Variants in SNAP91 observed in about 807,000 individuals in gnomAD.
SNAP91 encodes synaptosome associated protein 91.
SNAP91 carries 27 observed loss-of-function variants against 100.3 expected under a neutral mutation model. The observed-to-expected ratio is 0.27, with a 90% CI of 0.20 to 0.37. The LOEUF (loss-of-function observed/expected upper bound fraction) is 0.37. SNAP91 is among the 10% of genes least tolerant of loss of function. The pLI, the probability that SNAP91 is intolerant of heterozygous loss-of-function variation, is 1.00. For missense variants in SNAP91, 986 were observed against 1,123.7 expected (o/e 0.88, Z 1.75); for synonymous variants, 404 against 398.6 (o/e 1.01, Z -0.16).
intron 2 of SNAP91, among the ~76,000 whole-genome samples, chr6:83,695,398 T>A (rs1026986548): frequency 2.6e-5 from 4 of 152,140 alleles, no homozygotes; most frequent in Admixed American, 6.5e-5. Flanking sequence ...TCAAATATAC[T>A]TTAACAAGCT....
At chr6:83,661,293 T>C (rs1006752816) in intron 5 of SNAP91, among the ~76,000 whole-genome samples, 2 of 152,136 alleles carry the variant, frequency 1.3e-5, no homozygotes, top group Admixed American at 6.5e-5. Context: ...GAGAAGCAAA[T>C]CAGATTTTTC....
chr6:83,610,321 T>C (rs1396559380), intron 12 of SNAP91, among the ~76,000 whole-genome samples: 2 of 151,926 alleles, frequency 1.3e-5, no homozygotes, highest in African/African-American at 2.4e-5. Flanking sequence ...TGGCTGAACC[T>C]TGAAGATATG....
chr6:83,599,646 ACT>A (rs1423133409), intron 16 of SNAP91, among the ~76,000 whole-genome samples: 1 of 152,176 alleles, frequency 6.6e-6, no homozygotes, highest in Non-Finnish European at 1.5e-5. Flanking sequence ...ACTTTGACAA[ACT>A]CTATTTACCA....
At chr6:83,652,042 G>A (rs944994140) in intron 7 of SNAP91, among the ~76,000 whole-genome samples, 2 of 152,164 alleles carry the variant, frequency 1.3e-5, no homozygotes, top group South Asian at 2.1e-4. Flanking sequence ...ATTAGTGTTA[G>A]CATGGTGTAT....
chr6:83,641,528 T>C (rs991159993), intron 7 of SNAP91, among the ~76,000 whole-genome samples: 3 of 152,168 alleles, frequency 2.0e-5, no homozygotes, highest in African/African-American at 7.2e-5. Flanking sequence ...AGCAGCAAAT[T>C]CTTCCTAAGG....
chr6:83,573,172 G>T (rs1206706979), intron 26 of SNAP91, among the ~76,000 whole-genome samples: 1 of 152,146 alleles, frequency 6.6e-6, no homozygotes, highest in Admixed American at 6.5e-5. Flanking sequence ...CAAACAGAGA[G>T]CCAAATCATG....
rs769922771 is a variant in SNAP91 at position 83,594,396 on chromosome 6, T to C, written c.1410A>G (p.Ala470=). The C allele has an allele frequency of 1.3e-6, 2 of 1,553,308 alleles. No individual in the cohort carries two copies. Among genetic ancestry groups the C allele is most frequent in the Non-Finnish European group, 1.7e-6 (2 of 1,147,654 alleles). The part of the protein sequence containing the change: ...APATPTPVAA[A]LDACSGNDPF... ...CACCATTTCCTGAACATGCATCAAG[T>C]GCTGCTGCTACAGGGGTTGGGGTAG... The change falls in exon 17 of 30, where the codon GCA becomes GCG. Residue 470 remains alanine (A), a synonymous_variant. Transcript: ENST00000369694.
chr6:83,671,999 C>G (rs770165130), intron 2 of SNAP91, among the ~76,000 whole-genome samples: 1 of 152,010 alleles, frequency 6.6e-6, no homozygotes, highest in Non-Finnish European at 1.5e-5. Flanking sequence ...TTGCTCAAAA[C>G]CCCCTGGGGC....
chr6:83,635,590 T>C (rs931784145), intron 8 of SNAP91, among the ~76,000 whole-genome samples: 2 of 152,168 alleles, frequency 1.3e-5, no homozygotes, highest in Non-Finnish European at 2.9e-5. Context: ...TTACATGAGA[T>C]GGATGTACTG....
chr6:83,599,835 A>C (rs954346899), intron 16 of SNAP91, among the ~76,000 whole-genome samples: 29 of 152,108 alleles, frequency 1.9e-4, no homozygotes, highest in African/African-American at 7.0e-4. Context: ...ACCTAGGCTA[A>C]AGTGCAGTGG....
intron 8 of SNAP91, among the ~76,000 whole-genome samples, chr6:83,638,104 G>C (rs1179441602): frequency 6.6e-6 from 1 of 152,168 alleles, no homozygotes; most frequent in Non-Finnish European, 1.5e-5. Context: ...GTAGAGAACA[G>C]GAACTGCAGA....
At position 83,669,676 on chromosome 6, in the gene SNAP91, C is replaced by T. The variant is rs369635297; in HGVS notation, c.131-4095G>A. On this transcript the variant is annotated intron_variant, in intron 2 of 29. Coordinates refer to ENST00000369694, the MANE Select transcript of SNAP91 (RefSeq NM_001242792.2). ...TTCTCCTGCTGTCCCTTAGCAACCACCAATTTGCTTTCAGTCAATATAAAT... is the reference window on the plus strand; with the variant it reads ...TTCTCCTGCTGTCCCTTAGCAACCATCAATTTGCTTTCAGTCAATATAAAT... Among the ~76,000 whole-genome samples, 93 of 152,042 alleles carry T rather than the reference C, an allele frequency of 6.1e-4. 2 individuals carry two copies. The South Asian group carries it at 0.018, about 30-fold the overall frequency.
At chr6:83,701,401 T>C (rs1454834582) in intron 2 of SNAP91, among the ~76,000 whole-genome samples, 1 of 151,718 alleles carries the variant, frequency 6.6e-6, no homozygotes, top group African/African-American at 2.4e-5. Flanking sequence ...GGGAGAGACC[T>C]AGCTTCTCTC....
chr6:83,707,962 AG>A lies in SNAP91; in HGVS notation c.-30-6del, dbSNP rs765589676. 2.4e-5 allele frequency: 37 copies of A among 1,550,338 alleles called. No homozygotes were observed. In the African/African-American group the frequency reaches 4.9e-4, roughly 21 times the overall value. On this transcript the variant is annotated splice_region_variant and splice_polypyrimidine_tract_variant and intron_variant, in intron 1 of 29. Transcript: ENST00000369694. Reference sequence around the variant, plus strand: ...TCGCGTCTACCGCCTCCTCTTCTGCAGGAAACAAGGGGAGACGGTCCGGCTT... The same window carrying A: ...TCGCGTCTACCGCCTCCTCTTCTGCAGAAACAAGGGGAGACGGTCCGGCTT...
intron 25 of SNAP91, 34 bp from the exon 26 acceptor site, chr6:83,575,155 A>G (rs767318539): frequency 6.9e-7 from 1 of 1,447,706 alleles, no homozygotes; most frequent in Non-Finnish European, 9.6e-7. Context: ...GCAAACAAAC[A>G]AAAAATCACA....
intron 3 of SNAP91, among the ~76,000 whole-genome samples, chr6:83,663,493 G>A (rs1190558241): frequency 3.2e-4 from 48 of 152,136 alleles, no homozygotes; most frequent in Admixed American, 3.1e-3. Flanking sequence ...GAATGTTTGA[G>A]TGGTCTGGAT....
chr6:83,582,433 T>A (rs1333800290), intron 22 of SNAP91, 77 bp from the exon 23 acceptor site: 1 of 1,423,494 alleles, frequency 7.0e-7, no homozygotes, highest in Admixed American at 2.6e-5. Context: ...ATTTAAAAAG[T>A]TATAGAAAAC....
At chr6:83,600,703 TCA>T (rs1446580407) in intron 16 of SNAP91, among the ~76,000 whole-genome samples, 1 of 152,230 alleles carries the variant, frequency 6.6e-6, no homozygotes, top group Non-Finnish European at 1.5e-5. Flanking sequence ...AGATGTTTTC[TCA>T]GAGTTCCAAA....
intron 26 of SNAP91, among the ~76,000 whole-genome samples, chr6:83,568,990 G>T (rs2127997894): frequency 6.6e-6 from 1 of 152,192 alleles, no homozygotes; most frequent in East Asian, 1.9e-4. Flanking sequence ...AAGGTATGTT[G>T]GAGAAAGCTG....
Sources: gnomAD v4.1 joint callset for allele counts (sites outside exome capture counted in the v4.1 genomes callset) on GRCh38, gnomAD v4.1.1 for gene constraint, MANE v1.5 for transcripts, NCBI Gene and HGNC (gene_info 2026-07-23, HGNC 2026-07-21) for gene names.